AGBL4: variants seen among roughly 807,000 people sequenced by gnomAD.
AGBL4 encodes cytosolic carboxypeptidase 6.
In AGBL4, 58 loss-of-function variants were observed where a neutral mutation model predicts 66.4. That is an observed-to-expected ratio of 0.87 (90% CI 0.71 to 1.09). The LOEUF (loss-of-function observed/expected upper bound fraction) is 1.09. Among genes scored for constraint, AGBL4 ranks in the 50% least tolerant of loss-of-function variants. AGBL4 has a pLI of 0.00. For missense variants in AGBL4, 579 were observed against 631.0 expected, an observed-to-expected ratio of 0.92 and a Z score of 0.88; for synonymous variants, 234 against 222.9, an observed-to-expected ratio of 1.05 and a Z score of -0.44.
intron 3 of AGBL4, among the ~76,000 whole-genome samples, chr1:49,382,868 G>A (rs1260883823): frequency 6.6e-6 from 1 of 152,134 alleles, no homozygotes; most frequent in African/African-American, 2.4e-5. Context: ...AGTGCAGCAT[G>A]GTGTTACATG....
At chr1:48,804,563 CAAAT>C (rs2148748134) in intron 6 of AGBL4, among the ~76,000 whole-genome samples, 1 of 152,198 alleles carries the variant, frequency 6.6e-6, no homozygotes, top group Admixed American at 6.5e-5. Context: ...CCATAACTGA[CAAAT>C]AAGAGGCAGC....
intron 6 of AGBL4, among the ~76,000 whole-genome samples, chr1:48,847,077 G>A (rs1646935220): frequency 6.6e-6 from 1 of 152,102 alleles, no homozygotes; most frequent in Admixed American, 6.6e-5. Context: ...GAGGGGGGTG[G>A]ATCACCTGAG....
chr1:49,951,787 A>G (rs1232363783), intron 1 of AGBL4, among the ~76,000 whole-genome samples: 1 of 152,014 alleles, frequency 6.6e-6, no homozygotes, highest in African/African-American at 2.4e-5. Flanking sequence ...AAATCAAAAC[A>G]TTACATTGTA....
intron 4 of AGBL4, among the ~76,000 whole-genome samples, chr1:49,140,747 G>A (rs1446876933): frequency 6.6e-6 from 1 of 152,182 alleles, no homozygotes; most frequent in Non-Finnish European, 1.5e-5. Flanking sequence ...GAATGTGCAG[G>A]TGCTGTCAGG....
chr1:48,601,606 AC>A (rs1645074492), intron 9 of AGBL4, among the ~76,000 whole-genome samples: 1 of 152,212 alleles, frequency 6.6e-6, no homozygotes, highest in Non-Finnish European at 1.5e-5. Context: ...ATTGACAATA[AC>A]CACCATCTTG....
At chr1:49,416,510 G>C (rs546313004) in intron 3 of AGBL4, among the ~76,000 whole-genome samples, 2 of 152,218 alleles carry the variant, frequency 1.3e-5, no homozygotes, top group African/African-American at 4.8e-5. Flanking sequence ...ATGGAGATCA[G>C]ATGACATATG....
chr1:49,379,590 C>A (rs7537888), intron 3 of AGBL4, among the ~76,000 whole-genome samples: 1 of 151,820 alleles, frequency 6.6e-6, no homozygotes, highest in Admixed American at 6.6e-5. Context: ...TAGCATGAAG[C>A]GTTGTTGAAT....
chr1:49,619,522 A>G (rs991586239), intron 3 of AGBL4, among the ~76,000 whole-genome samples: 1 of 152,200 alleles, frequency 6.6e-6, no homozygotes, highest in Non-Finnish European at 1.5e-5. Context: ...AAGAATCAAT[A>G]TCGTGAAAAT....
intron 3 of AGBL4, among the ~76,000 whole-genome samples, chr1:49,595,698 A>C (rs559091386): frequency 6.6e-6 from 1 of 152,282 alleles, no homozygotes; most frequent in Admixed American, 6.5e-5. Context: ...ATTATTTCAT[A>C]GCATAAGCAC....
intron 3 of AGBL4, among the ~76,000 whole-genome samples, chr1:49,516,070 C>T (rs1649789718): frequency 6.6e-6 from 1 of 151,268 alleles, no homozygotes; most frequent in South Asian, 2.1e-4. Flanking sequence ...GACTGCCCCC[C>T]CCCACAAAAA....
At chr1:49,150,015 A>G (rs1416725727) in intron 4 of AGBL4, among the ~76,000 whole-genome samples, 1 of 152,194 alleles carries the variant, frequency 6.6e-6, no homozygotes, top group Non-Finnish European at 1.5e-5. Flanking sequence ...TGGACCTCAC[A>G]TGAGGTCTAT....
chr1:49,859,797 T>C (rs1041800218), intron 1 of AGBL4, among the ~76,000 whole-genome samples: 6 of 152,010 alleles, frequency 3.9e-5, no homozygotes, highest in African/African-American at 7.2e-5. Context: ...AAGCTGTACA[T>C]ACTGTCCCTA....
chr1:48,622,200 T>A (rs1299672670), intron 9 of AGBL4, among the ~76,000 whole-genome samples: 1 of 152,176 alleles, frequency 6.6e-6, no homozygotes, highest in Non-Finnish European at 1.5e-5. Flanking sequence ...TCCTCACATA[T>A]GCTGCTTCCC....
In AGBL4 at chr1:48,539,724, G is replaced by T. The variant is rs779424270; in HGVS notation, c.1282C>A (p.Arg428=). 4 of 1,539,768 alleles carry T rather than the reference G, an allele frequency of 2.6e-6. No individual in the cohort carries two copies. The highest frequency in any genetic ancestry group is 3.5e-6 in the Non-Finnish European group (4 of 1,139,048). Residue 428 remains arginine (R), a synonymous_variant, in exon 12 of 14, where the codon CGG becomes AGG. Coordinates refer to ENST00000371839, the MANE Select transcript of AGBL4 (RefSeq NM_032785.4). ...TCCAAAAAGGTTCTTGCCACATTCCGCCCCAGCTTCATATCTGCAGGTGTG... is the reference window on the plus strand; with the variant it reads ...TCCAAAAAGGTTCTTGCCACATTCCTCCCCAGCTTCATATCTGCAGGTGTG... ...YTEEAYMKLG[R]NVARTFLDYY... is the part of the protein sequence containing the mutation.
chr1:48,598,095 C>T (rs185993144), intron 9 of AGBL4, among the ~76,000 whole-genome samples: 2 of 152,178 alleles, frequency 1.3e-5, no homozygotes, highest in African/African-American at 4.8e-5. Flanking sequence ...TGGAGCTAAG[C>T]CTGGACAGGT....
At chr1:49,895,207 A>C (rs186497128) in intron 1 of AGBL4, among the ~76,000 whole-genome samples, 2 of 151,984 alleles carry the variant, frequency 1.3e-5, no homozygotes, top group African/African-American at 4.8e-5. Flanking sequence ...AAAAAAAAAA[A>C]AAAAAACTGA....
At chr1:49,571,816 T>C (rs1258349568) in intron 3 of AGBL4, among the ~76,000 whole-genome samples, 1 of 152,174 alleles carries the variant, frequency 6.6e-6, no homozygotes, top group Non-Finnish European at 1.5e-5. Context: ...TCTGTTTCTA[T>C]TGAGATGATA....
intron 5 of AGBL4, among the ~76,000 whole-genome samples, chr1:48,982,120 A>C (rs1057249318): frequency 1.3e-5 from 2 of 152,164 alleles, no homozygotes; most frequent in Non-Finnish European, 2.9e-5. Flanking sequence ...GTTCACTAGG[A>C]CTGTTTGGTA....
chr1:49,117,700 T>C (rs1179261692), intron 4 of AGBL4, among the ~76,000 whole-genome samples: 2 of 152,158 alleles, frequency 1.3e-5, no homozygotes, highest in African/African-American at 4.8e-5. Context: ...CTTGGCAATA[T>C]GGGCTCTTTT....
Sources: allele counts gnomAD v4.1 joint callset (sites outside exome capture counted in the v4.1 genomes callset), GRCh38; gene constraint gnomAD v4.1.1; transcripts MANE v1.5; gene names NCBI Gene and HGNC (gene_info 2026-07-23, HGNC 2026-07-21).